SPECC1: variants seen among roughly 807,000 people sequenced by gnomAD.
The protein encoded by SPECC1 is cytospin-B.
Under a neutral mutation model 104.1 loss-of-function variants are expected in SPECC1, and 62 were observed. The observed-to-expected ratio is 0.60, with a 90% confidence interval of 0.49 to 0.74. The LOEUF is 0.74. Among genes scored for constraint, SPECC1 ranks in the 30% least tolerant of loss-of-function variants. SPECC1 has a pLI of 0.00. For synonymous variants in SPECC1, 513 were observed against 501.6 expected, an observed-to-expected ratio of 1.02 and a Z score of -0.30; for missense variants, 1,306 against 1,310.5, an observed-to-expected ratio of 1.00 and a Z score of 0.05.
chr17:20,011,869 A>G (rs986411739), intron 1 of SPECC1, among the ~76,000 whole-genome samples: 8 of 151,994 alleles, frequency 5.3e-5, no homozygotes, highest in Non-Finnish European at 1.5e-5. Context: ...TATTAGCTTT[A>G]TCTACCTGTT....
At position 20,314,129 on chromosome 17, in the gene SPECC1, T is replaced by A. The variant is rs2042001924; in HGVS notation, c.*64T>A. The A allele has an allele frequency of 7.2e-7, 1 of 1,391,588 alleles. No homozygotes were observed. The allele number at this position is 1,391,588 out of a possible 1,614,324, so 86.2% of individuals were successfully genotyped here. A position where few individuals can be genotyped will look rare whatever the true frequency, so the allele number is the denominator to read the frequency against. Reference sequence around the variant, plus strand: ...GCAGCTTTTCCTGGAAGCGCCTGATTACTGTCCACTGACCCTGCTCTGCCC... The same window carrying A: ...GCAGCTTTTCCTGGAAGCGCCTGATAACTGTCCACTGACCCTGCTCTGCCC... On this transcript the variant is annotated 3_prime_UTR_variant, in exon 15 of 15. Transcript: ENST00000395527.
chr17:20,245,042 T>G (rs1299641750), intron 7 of SPECC1, among the ~76,000 whole-genome samples: 1 of 152,238 alleles, frequency 6.6e-6, no homozygotes, highest in Non-Finnish European at 1.5e-5. Context: ...GAGCTTCACC[T>G]CATGCAGAAT....
intron 12 of SPECC1, among the ~76,000 whole-genome samples, chr17:20,262,583 C>A (rs1167619873): frequency 6.6e-6 from 1 of 151,994 alleles, no homozygotes; most frequent in African/African-American, 2.4e-5. Context: ...AAATAGATAC[C>A]CTCTTTAAAA....
chr17:20,209,520 G>T (rs560015053), intron 4 of SPECC1, among the ~76,000 whole-genome samples: 29 of 151,790 alleles, frequency 1.9e-4, no homozygotes, highest in Non-Finnish European at 3.4e-4. Flanking sequence ...ATGGAAAATT[G>T]GTAGGATTTC....
rs1453600962 is a variant in SPECC1 at position 20,110,538 on chromosome 17, G to A, written c.259G>A (p.Glu87Lys). ...TGCCGGAGCCATCTCGGAGCTCACG[G>A]AGAGCCGCCTGAGGAGCGGCACAGG... ...ATAGAISELT[E>K]SRLRSGTGAF... The change falls in exon 3 of 15, where the codon GAG (glutamate) becomes AAG (lysine). Residue 87 changes from glutamate (E) to lysine (K), a missense_variant. This residue lies in a region of SPECC1 where 1,177 missense variants were observed against 1,139.9 expected (regional missense o/e 1.03). Coordinates refer to ENST00000395527, the MANE Select transcript of SPECC1 (RefSeq NM_001243439.2). 1.2e-6 allele frequency: 2 copies of A among 1,613,704 alleles called. No individual in the cohort carries two copies. Among genetic ancestry groups the A allele is most frequent in the Non-Finnish European group, 1.7e-6 (2 of 1,179,946 alleles).
At chr17:20,046,762 G>A (rs186066781) in intron 1 of SPECC1, among the ~76,000 whole-genome samples, 1 of 152,014 alleles carries the variant, frequency 6.6e-6, no homozygotes, top group African/African-American at 2.4e-5. Context: ...GGCGGCCAGA[G>A]CCAAGACTCA....
At chr17:20,155,150 T>C (rs1041352668) in intron 3 of SPECC1, among the ~76,000 whole-genome samples, 2 of 151,912 alleles carry the variant, frequency 1.3e-5, no homozygotes, top group Non-Finnish European at 2.9e-5. Context: ...GTGCCCAGGG[T>C]GGGTCAAGAT....
chr17:20,130,930 C>T (rs1180576609), intron 3 of SPECC1, among the ~76,000 whole-genome samples: 5 of 152,112 alleles, frequency 3.3e-5, no homozygotes, highest in Non-Finnish European at 7.4e-5. Context: ...CATACAAATC[C>T]TATACCTGTT....
At chr17:20,082,776 T>A (rs2047024505) in intron 1 of SPECC1, among the ~76,000 whole-genome samples, 1 of 152,114 alleles carries the variant, frequency 6.6e-6, no homozygotes, top group Non-Finnish European at 1.5e-5. Context: ...CAAATACAGT[T>A]ACATTCTGAG....
chr17:20,256,679 C>T (rs951535301), intron 10 of SPECC1, among the ~76,000 whole-genome samples: 8 of 152,086 alleles, frequency 5.3e-5, no homozygotes, highest in East Asian at 1.9e-4. Context: ...TAGACAGTCT[C>T]GAAAGATGTC....
At chr17:20,271,195 A>T (rs1404641012) in intron 12 of SPECC1, among the ~76,000 whole-genome samples, 1 of 150,670 alleles carries the variant, frequency 6.6e-6, no homozygotes, top group African/African-American at 2.4e-5. Flanking sequence ...AGAGTCAAGC[A>T]TTTTCAAGTC....
intron 12 of SPECC1, among the ~76,000 whole-genome samples, chr17:20,283,265 G>T (rs1026205412): frequency 6.6e-6 from 1 of 152,186 alleles, no homozygotes; most frequent in African/African-American, 2.4e-5. Context: ...GAATCCCAGA[G>T]TTATTCCATG....
chr17:20,247,187 CAT>C (rs757991760), intron 8 of SPECC1, 30 bp from the exon 9 acceptor site: 2 of 1,533,344 alleles, frequency 1.3e-6, no homozygotes, highest in African/African-American at 2.7e-5. Context: ...AGTGGAACAA[CAT>C]ATAAATGTTC....
chr17:20,296,560 A>G (rs997009971), intron 12 of SPECC1, among the ~76,000 whole-genome samples: 16 of 152,208 alleles, frequency 1.1e-4, no homozygotes, highest in Non-Finnish European at 2.2e-4. Flanking sequence ...CTGTGAAGAA[A>G]GTCATTGGTA....
At chr17:20,266,023 G>A (rs937813857) in intron 12 of SPECC1, among the ~76,000 whole-genome samples, 9 of 152,152 alleles carry the variant, frequency 5.9e-5, no homozygotes, top group African/African-American at 2.2e-4. Context: ...CTCCAGCTTT[G>A]ATCTTCTTAC....
intron 5 of SPECC1, among the ~76,000 whole-genome samples, chr17:20,231,064 A>C (rs1232815987): frequency 6.6e-6 from 1 of 152,208 alleles, no homozygotes; most frequent in African/African-American, 2.4e-5. Context: ...TCAGATTTAA[A>C]TTTGAATGAC....
intron 2 of SPECC1, among the ~76,000 whole-genome samples, chr17:20,102,519 C>A (rs1052704109): frequency 1.3e-5 from 2 of 152,196 alleles, no homozygotes; most frequent in African/African-American, 4.8e-5. Context: ...AGCATAAAAT[C>A]CCCTAGTCCA....
chr17:20,226,933 G>A (rs1239296067), intron 4 of SPECC1, among the ~76,000 whole-genome samples: 3 of 152,128 alleles, frequency 2.0e-5, no homozygotes, highest in Non-Finnish European at 4.4e-5. Flanking sequence ...CAGCAGCAGA[G>A]GGCGCTGCTC....
intron 3 of SPECC1, among the ~76,000 whole-genome samples, chr17:20,178,445 G>C (rs2034629680): frequency 6.6e-6 from 1 of 152,184 alleles, no homozygotes; most frequent in African/African-American, 2.4e-5. Flanking sequence ...AAGAAATAGT[G>C]TGATCCACTT....
Sources: gnomAD v4.1 joint callset for allele counts (sites outside exome capture counted in the v4.1 genomes callset) on GRCh38, gnomAD v4.1.1 for gene constraint, gnomAD v4.1.1 regional missense constraint, MANE v1.5 for transcripts, NCBI Gene and HGNC (gene_info 2026-07-23, HGNC 2026-07-21) for gene names.